TAF4B: variants seen among roughly 807,000 people sequenced by gnomAD.
TAF4B encodes the protein transcription initiation factor TFIID subunit 4B.
TAF4B carries 38 observed loss-of-function variants against 86.4 expected under a neutral mutation model. That is an observed-to-expected ratio of 0.44 (90% CI 0.34 to 0.58). TAF4B has a LOEUF of 0.58. Ranked by LOEUF, TAF4B falls within the 20% of genes least tolerant of loss-of-function variation. TAF4B has a pLI of 0.02. For synonymous variants in TAF4B, 388 were observed against 391.2 expected, an observed-to-expected ratio of 0.99 and a Z score of 0.10; for missense variants, 988 against 1,027.6, an observed-to-expected ratio of 0.96 and a Z score of 0.53.
chr18:26,292,731 C>G (rs2056608702), intron 8 of TAF4B, among the ~76,000 whole-genome samples: 1 of 152,154 alleles, frequency 6.6e-6, no homozygotes, highest in Admixed American at 6.5e-5. Context: ...CCATGTTGGC[C>G]AGGCTGGTCT....
intron 1 of TAF4B, among the ~76,000 whole-genome samples, chr18:26,250,210 T>G (rs983390953): frequency 1.3e-5 from 2 of 151,978 alleles, no homozygotes; most frequent in African/African-American, 2.4e-5. Context: ...ATTATAAAAA[T>G]TTTTGTGCTG....
chr18:26,277,188 A>G (rs979374563), intron 5 of TAF4B, among the ~76,000 whole-genome samples: 13 of 152,034 alleles, frequency 8.6e-5, no homozygotes, highest in African/African-American at 2.2e-4. Flanking sequence ...GGATCAAGCA[A>G]TCCTCCCACG....
intron 12 of TAF4B, 71 bp downstream of exon 12, chr18:26,327,211 G>A: frequency 6.5e-7 from 1 of 1,539,396 alleles, no homozygotes; most frequent in Non-Finnish European, 8.7e-7. Flanking sequence ...ATCGTTGGTT[G>A]ACTGTCTTGG....
intron 14 of TAF4B, among the ~76,000 whole-genome samples, chr18:26,366,841 C>T (rs1418077264): frequency 6.6e-6 from 1 of 152,064 alleles, no homozygotes; most frequent in Non-Finnish European, 1.5e-5. Flanking sequence ...TATACATGTG[C>T]TTTTAAAATA....
chr18:26,380,201 G>A (rs2057468859), intron 14 of TAF4B, among the ~76,000 whole-genome samples: 1 of 152,076 alleles, frequency 6.6e-6, no homozygotes, highest in African/African-American at 2.4e-5. Context: ...TAATAGAAGT[G>A]GTGAGAGCAG....
At chr18:26,287,257 G>C (rs372359327) in intron 7 of TAF4B, among the ~76,000 whole-genome samples, 1 of 152,100 alleles carries the variant, frequency 6.6e-6, no homozygotes, top group Non-Finnish European at 1.5e-5. Flanking sequence ...TCTCGACTTA[G>C]ACCTCCCAAA....
chr18:26,340,937 T>C (rs769204432), intron 13 of TAF4B, among the ~76,000 whole-genome samples: 3 of 152,158 alleles, frequency 2.0e-5, no homozygotes, highest in Non-Finnish European at 4.4e-5. Context: ...TGGATATTTT[T>C]ACAAGATAAC....
At chr18:26,231,286 G>A (rs1487104007) in intron 1 of TAF4B, among the ~76,000 whole-genome samples, 5 of 147,900 alleles carry the variant, frequency 3.4e-5, no homozygotes, top group African/African-American at 7.5e-5. Flanking sequence ...CAGGTGATCC[G>A]CCCACCTTGG....
chr18:26,354,220 G>A (rs1002835200), intron 13 of TAF4B, among the ~76,000 whole-genome samples: 21 of 152,080 alleles, frequency 1.4e-4, no homozygotes, highest in Non-Finnish European at 4.4e-5. Flanking sequence ...GATTACAGGC[G>A]TCCCCACCAT....
intron 3 of TAF4B, among the ~76,000 whole-genome samples, chr18:26,270,304 A>T (rs2056296557): frequency 6.6e-6 from 1 of 152,112 alleles, no homozygotes. Flanking sequence ...TGTATTAGGG[A>T]TTCTCTACAT....
intron 14 of TAF4B, among the ~76,000 whole-genome samples, chr18:26,389,391 T>C (rs1978570802): frequency 6.6e-6 from 1 of 152,334 alleles, no homozygotes; most frequent in East Asian, 1.9e-4. Context: ...ATTGTTATTT[T>C]TTATTATTGA....
intron 5 of TAF4B, 44 bp from the exon 6 acceptor site, chr18:26,281,927 A>C: frequency 1.4e-6 from 2 of 1,414,424 alleles, no homozygotes; most frequent in African/African-American, 2.8e-5. Flanking sequence ...CTCTTTTAAA[A>C]GATTTGTAGA....
intron 1 of TAF4B, among the ~76,000 whole-genome samples, chr18:26,251,363 G>T (rs895488709): frequency 1.3e-5 from 2 of 152,096 alleles, no homozygotes; most frequent in Non-Finnish European, 2.9e-5. Flanking sequence ...TCTTAGATTT[G>T]TAAGGATCTG....
rs761462978 is a variant in TAF4B at position 26,321,099 on chromosome 18, T to C, written c.2032T>C (p.Ser678Pro). 39 of 1,613,764 alleles carry C rather than the reference T, an allele frequency of 2.4e-5. No homozygotes were observed. The highest frequency in any genetic ancestry group is 6.7e-5 in the Admixed American group (4 of 59,982). Residue 678 changes from serine (S) to proline (P), a missense_variant, in exon 11 of 15, where the codon TCT (serine) becomes CCT (proline). Ser to Pro is a moderately conservative substitution (Grantham distance 74). Around this residue, in one of 3 missense-constraint regions of TAF4B, gnomAD observed 216 missense variants for 238.4 expected, o/e 0.91. Transcript: ENST00000269142. ...AAAGCATGACATTACAGAACTTAAC[T>C]CTGATGCTGTGAACTTGATCTCCCA... ...GKKHDITELN[S>P]DAVNLISQAT...
intron 1 of TAF4B, among the ~76,000 whole-genome samples, chr18:26,230,769 T>A (rs549693644): frequency 6.6e-6 from 1 of 152,310 alleles, no homozygotes; most frequent in South Asian, 2.1e-4. Flanking sequence ...AATCAGGGAC[T>A]CTATGTCGCT....
At chr18:26,262,978 T>A (rs1293874513) in intron 1 of TAF4B, among the ~76,000 whole-genome samples, 4 of 152,154 alleles carry the variant, frequency 2.6e-5, no homozygotes, top group Admixed American at 2.6e-4. Flanking sequence ...AGAGACAGTG[T>A]TGTGCTCTGT....
In TAF4B at chr18:26,390,126, C is replaced by A; in HGVS notation, c.*114C>A. On this transcript the variant is annotated 3_prime_UTR_variant, in exon 15 of 15. Transcript: ENST00000269142. ...GAAAATAATCACCAACATGAAAGAG[C>A]ATTGTTTACAGTTAGAAACTTTATT... is the stretch of plus-strand genomic sequence containing the variant. 1 of 1,121,456 alleles carries A rather than the reference C, an allele frequency of 8.9e-7. No homozygotes were observed. The highest frequency in any genetic ancestry group is 1.3e-6 in the Non-Finnish European group (1 of 792,650). 69.5% of individuals were successfully genotyped at this position (1,121,456 alleles called of 1,614,324 possible).
intron 1 of TAF4B, among the ~76,000 whole-genome samples, chr18:26,246,430 AAT>A (rs1388422969): frequency 6.6e-6 from 1 of 152,190 alleles, no homozygotes; most frequent in African/African-American, 2.4e-5. Context: ...TGTGGAATGT[AAT>A]AGAGTGTAGC....
At position 26,274,779 on chromosome 18, in the gene TAF4B, T is replaced by C. The variant is rs2144565256; in HGVS notation, c.714T>C (p.Asn238=). Residue 238 remains asparagine, a synonymous_variant, in exon 4 of 15, where the codon AAT becomes AAC. Coordinates refer to ENST00000269142, the MANE Select transcript of TAF4B (RefSeq NM_005640.3). ...GASSTPSNEP[N]LKAENSAAVQ... is the part of the protein sequence containing the mutation. Reference sequence around the variant, plus strand: ...CATCCACTCCTTCAAATGAGCCCAATCTTAAAGCAGAGAACTCAGCAGCTG... The same window carrying C: ...CATCCACTCCTTCAAATGAGCCCAACCTTAAAGCAGAGAACTCAGCAGCTG... 1 of 1,614,196 alleles carries C rather than the reference T, an allele frequency of 6.2e-7. No individual in the cohort carries two copies. The highest frequency in any genetic ancestry group is 2.2e-5 in the East Asian group (1 of 44,878).
Sources: allele counts gnomAD v4.1 joint callset (sites outside exome capture counted in the v4.1 genomes callset), GRCh38; gene constraint gnomAD v4.1.1; regional missense constraint gnomAD v4.1.1; transcripts MANE v1.5; gene names NCBI Gene and HGNC (gene_info 2026-07-23, HGNC 2026-07-21).